SEPTIN8: variants seen among roughly 807,000 people sequenced by gnomAD.
SEPTIN8 encodes the protein septin-8.
In SEPTIN8, 22 loss-of-function variants were observed where a neutral mutation model predicts 53.1. The observed-to-expected ratio is 0.41, with a 90% CI of 0.30 to 0.59. The LOEUF (loss-of-function observed/expected upper bound fraction) is 0.59. SEPTIN8 is among the 20% of genes least tolerant of loss of function. The pLI is 0.24. For missense variants in SEPTIN8, 536 were observed against 638.7 expected, an observed-to-expected ratio of 0.84 and a Z score of 1.73; for synonymous variants, 228 against 248.4, an observed-to-expected ratio of 0.92 and a Z score of 0.77.
chr5:132,763,698 A>G lies in SEPTIN8; in HGVS notation c.534+8T>C, dbSNP rs1372876892. ...GGAGCCTGTGACAGCAGGTGGGGAC[A>G]GGGATACCTTGCTGTCTAGTTTCTT... On this transcript the variant is annotated splice_region_variant and intron_variant, in intron 4 of 9. Coordinates refer to ENST00000378719, the MANE Select transcript of SEPTIN8 (RefSeq NM_001098811.2). 6.2e-7 allele frequency: 1 copy of G among 1,612,282 alleles called. No homozygotes were observed. The highest frequency in any genetic ancestry group is 1.3e-5 in the African/African-American group (1 of 74,892).
intron 1 of SEPTIN8, among the ~76,000 whole-genome samples, chr5:132,768,691 G>A (rs1756879613): frequency 6.6e-6 from 1 of 152,232 alleles, no homozygotes; most frequent in Admixed American, 6.5e-5. Context: ...GCCCATCAGC[G>A]TGATGCCATG....
Position 132,760,611 on chromosome 5 carries a change from A to G in SEPTIN8, c.1286+191T>C, listed in dbSNP as rs148925880. ...ATCAGAGCAATCCAGACGGCGAGAC[A>G]CTGGATCACTAGTGAAAGAAAAAGG... is the stretch of plus-strand genomic sequence containing the variant. On this transcript the variant is annotated intron_variant, in intron 9 of 9. Coordinates refer to ENST00000378719, the MANE Select transcript of SEPTIN8 (RefSeq NM_001098811.2). The surrounding 1 kb of genome is among the most constrained non-coding windows in gnomAD (Gnocchi z 5.2). Among the ~76,000 whole-genome samples, 75 of 144,258 alleles carry G rather than the reference A, an allele frequency of 5.2e-4. No individual in the cohort carries two copies. The highest frequency in any genetic ancestry group is 7.2e-4 in the Non-Finnish European group (49 of 67,778). The allele number at this position is 144,258 out of a possible 152,430, so 94.6% of individuals were successfully genotyped here.
In SEPTIN8 at chr5:132,761,259, T is replaced by G. The variant is rs763780547; in HGVS notation, c.969A>C (p.Gln323His). 25 of 1,613,572 alleles carry G rather than the reference T, an allele frequency of 1.5e-5. No individual in the cohort carries two copies. Among genetic ancestry groups the G allele is most frequent in the Non-Finnish European group, 2.1e-5 (25 of 1,180,026 alleles). Residue 323 changes from glutamine (Q) to histidine (H), a missense_variant, in exon 8 of 10, where the codon CAA becomes CAC. By Grantham distance (24) the Gln-to-His change is conservative. Coordinates refer to ENST00000378719, the MANE Select transcript of SEPTIN8 (RefSeq NM_001098811.2). The surrounding 1 kb of genome is among the most constrained non-coding windows in gnomAD (Gnocchi z 5.8). ...SDGDSQPFSL[Q>H]ETYEAKRKEF... The stretch of plus-strand genomic sequence containing the variant: ...CCTTCCTCTTGGCCTCGTATGTCTC[T>G]TGTAGGCTGTGGAGACCCAGAGAAA...
chr5:132,756,274 A>G (rs776930155), intron 9 of SEPTIN8: 34 of 985,368 alleles, frequency 3.5e-5, no homozygotes, highest in Non-Finnish European at 4.1e-5. Context: ...ACAACTAGAA[A>G]GAACATATTT....
intron 9 of SEPTIN8, chr5:132,757,324 G>A: frequency 1.0e-6 from 1 of 985,456 alleles, no homozygotes; most frequent in African/African-American, 1.7e-5. Context: ...GGTAAAGGCT[G>A]CCTCTTCCTG....
At chr5:132,757,460 G>A (rs1755446972) in intron 9 of SEPTIN8, 1 of 985,476 alleles carries the variant, frequency 1.0e-6, no homozygotes. Context: ...AGACAGAAAG[G>A]GGGAAATGGT....
At chr5:132,769,683 C>A (rs256874) in intron 1 of SEPTIN8, among the ~76,000 whole-genome samples, 5 of 151,564 alleles carry the variant, frequency 3.3e-5, no homozygotes, top group Admixed American at 2.6e-4. Flanking sequence ...TGTAATTTGC[C>A]CAAGACCACA....
chr5:132,759,001 T>A, intron 9 of SEPTIN8: 2 of 746,950 alleles, frequency 2.7e-6, no homozygotes, highest in Non-Finnish European at 4.9e-6. Context: ...AGGCTAAGGG[T>A]CAAGATCTGA....
At chr5:132,772,536 A>T (rs1757418923) in intron 1 of SEPTIN8, among the ~76,000 whole-genome samples, 2 of 152,226 alleles carry the variant, frequency 1.3e-5, no homozygotes, top group African/African-American at 4.8e-5. Context: ...AGGGAAAGCC[A>T]CGAGTGGTCT....
At chr5:132,762,459 CCT>C in intron 5 of SEPTIN8, 23 bp downstream of exon 5, 1 of 1,612,628 alleles carries the variant, frequency 6.2e-7, no homozygotes, top group Non-Finnish European at 8.5e-7. Flanking sequence ...GCCCCAGGGC[CCT>C]GAGGCCCTCA....
rs776029892 is a variant in SEPTIN8 at position 132,752,853 on chromosome 5, T to TATTCTAATACAGGTTGGTGATATGC, written c.1287-697_1287-673dup. 19 of 1,606,934 alleles carry TATTCTAATACAGGTTGGTGATATGC rather than the reference T, an allele frequency of 1.2e-5. 1 individual carries two copies. In the South Asian group the frequency reaches 2.1e-4, roughly 18 times the overall value. On this transcript the variant is annotated intron_variant, in intron 9 of 9. Coordinates refer to ENST00000378719, the MANE Select transcript of SEPTIN8 (RefSeq NM_001098811.2). The stretch of plus-strand genomic sequence containing the variant: ...TGGTTCTGCTTGAAGATGGCCACTC[T>TATTCTAATACAGGTTGGTGATATGC]ATTCTAATACAGGTTGGTGATATGC...
chr5:132,759,095 GA>G, intron 9 of SEPTIN8: 2 of 602,418 alleles, frequency 3.3e-6, no homozygotes, highest in Non-Finnish European at 3.2e-6. Flanking sequence ...AAATGGTCAT[GA>G]AAAACACCCC....
intron 9 of SEPTIN8, chr5:132,756,587 A>G (rs1435307264): frequency 2.0e-6 from 2 of 985,348 alleles, no homozygotes; most frequent in African/African-American, 3.5e-5. Context: ...CACTTTATGC[A>G]CCAAGGTTTA....
chr5:132,771,381 T>C (rs1228519479), intron 1 of SEPTIN8, among the ~76,000 whole-genome samples: 2 of 152,132 alleles, frequency 1.3e-5, no homozygotes, highest in African/African-American at 2.4e-5. Context: ...TACCCCACCA[T>C]AGGTGGATTG....
chr5:132,757,764 T>C lies in SEPTIN8; in HGVS notation c.1286+3038A>G, dbSNP rs949363923. On this transcript the variant is annotated intron_variant, in intron 9 of 9. Coordinates refer to ENST00000378719, the MANE Select transcript of SEPTIN8 (RefSeq NM_001098811.2). ...ATAGAAGAGTCAAAGCTGCTAGTAC[T>C]TCCTTAAAATGTTCCCCTTTAGAGT... 8.1e-6 allele frequency: 8 copies of C among 985,458 alleles called. No homozygotes were observed. In the East Asian group the frequency reaches 3.4e-4, roughly 42 times the overall value. 61.0% of individuals were successfully genotyped at this position (985,458 alleles called of 1,614,324 possible). A position where few individuals can be genotyped will look rare whatever the true frequency, so the allele number is the denominator to read the frequency against.
chr5:132,777,822 T>C, upstream of SEPTIN8: 1 of 985,472 alleles, frequency 1.0e-6, no homozygotes, highest in Non-Finnish European at 1.2e-6. The surrounding 1 kb of genome is among the most constrained non-coding windows in gnomAD (Gnocchi z 4.1). Flanking sequence ...CCAGGCGGCC[T>C]TCCCGGGCAA....
chr5:132,752,507 G>A (rs1028829343), intron 9 of SEPTIN8, among the ~76,000 whole-genome samples: 6 of 152,154 alleles, frequency 3.9e-5, no homozygotes. Flanking sequence ...TTAGGAGGAA[G>A]CAACCCTGAG....
intron 9 of SEPTIN8, chr5:132,756,074 G>A: frequency 1.0e-6 from 1 of 985,352 alleles, no homozygotes. Context: ...AACAGTCAAT[G>A]AATGCAGGAG....
Position 132,757,317 on chromosome 5 carries a change from A to T in SEPTIN8, c.1286+3485T>A, listed in dbSNP as rs999329582. ...CTGGAGCATGGAGCCCCTCACAGGT[A>T]AAGGCTGCCTCTTCCTGGCCGTGCC... On this transcript the variant is annotated intron_variant, in intron 9 of 9. Transcript: ENST00000378719. 3 of 985,362 alleles carry T rather than the reference A, an allele frequency of 3.0e-6. No homozygotes were observed. In the African/African-American group the frequency reaches 5.2e-5, roughly 17 times the overall value. The allele number at this position is 985,362 out of a possible 1,614,324, so 61.0% of individuals were successfully genotyped here.
Sources: allele counts gnomAD v4.1 joint callset (sites outside exome capture counted in the v4.1 genomes callset), GRCh38; gene constraint gnomAD v4.1.1; non-coding constraint Gnocchi (gnomAD v3.1); transcripts MANE v1.5; gene names NCBI Gene and HGNC (gene_info 2026-07-23, HGNC 2026-07-21).